The following SGCZ variants were observed in gnomAD, a reference collection of about 807,000 sequenced individuals.
SGCZ encodes zeta-sarcoglycan.
In SGCZ, 40 loss-of-function variants were observed where a neutral mutation model predicts 41.3. That is an observed-to-expected ratio of 0.97 (90% CI 0.75 to 1.26). The LOEUF is 1.26. Ranked by LOEUF, SGCZ falls within the 50% of genes most tolerant of loss-of-function variation. SGCZ has a pLI of 0.00. For missense variants in SGCZ, 552 were observed against 369.8 expected (o/e 1.49, Z -4.04); for synonymous variants, 206 against 137.5 (o/e 1.50, Z -3.49).
At chr8:14,123,199 T>G (rs886536588) in intron 5 of SGCZ, among the ~76,000 whole-genome samples, 1 of 152,102 alleles carries the variant, frequency 6.6e-6, no homozygotes, top group African/African-American at 2.4e-5. Flanking sequence ...AATAAAGGGG[T>G]GATGAGTAAA....
At chr8:14,226,025 T>C (rs2054418) in intron 4 of SGCZ, among the ~76,000 whole-genome samples, 1 of 151,762 alleles carries the variant, frequency 6.6e-6, no homozygotes, top group African/African-American at 2.4e-5. Flanking sequence ...AGGACGATGG[T>C]ATAAGTGATA....
intron 1 of SGCZ, among the ~76,000 whole-genome samples, chr8:14,941,192 T>G (rs1276343501): frequency 6.6e-6 from 1 of 152,098 alleles, no homozygotes; most frequent in East Asian, 1.9e-4. Flanking sequence ...AATTTTCCAA[T>G]ATAACTTTCT....
chr8:14,320,409 GC>G (rs1289602175), intron 3 of SGCZ, among the ~76,000 whole-genome samples: 1 of 151,312 alleles, frequency 6.6e-6, no homozygotes, highest in Non-Finnish European at 1.5e-5. Context: ...TGCTCGCCTG[GC>G]CCCATGGCTT....
chr8:14,955,436 A>C (rs991848372), intron 1 of SGCZ, among the ~76,000 whole-genome samples: 1 of 152,152 alleles, frequency 6.6e-6, no homozygotes, highest in African/African-American at 2.4e-5. Flanking sequence ...GCCTATTTTC[A>C]CATGTGAAGT....
chr8:15,219,846 A>G (rs1219921610), intron 1 of SGCZ, among the ~76,000 whole-genome samples: 8 of 152,214 alleles, frequency 5.3e-5, no homozygotes, highest in Admixed American at 5.2e-4. Flanking sequence ...AATTAGTTCA[A>G]CAAATATTCC....
At chr8:14,116,115 G>C (rs1037149715) in intron 5 of SGCZ, among the ~76,000 whole-genome samples, 2 of 152,050 alleles carry the variant, frequency 1.3e-5, no homozygotes, top group Non-Finnish European at 2.9e-5. Context: ...GTCTAAAACA[G>C]ATGGTACATA....
At chr8:14,335,981 C>T (rs1039632266) in intron 2 of SGCZ, among the ~76,000 whole-genome samples, 2 of 151,964 alleles carry the variant, frequency 1.3e-5, no homozygotes, top group East Asian at 3.9e-4. Flanking sequence ...AAACTCATGT[C>T]ATAGGGGTTT....
At chr8:15,032,247 G>A (rs1280400148) in intron 1 of SGCZ, among the ~76,000 whole-genome samples, 1 of 151,986 alleles carries the variant, frequency 6.6e-6, no homozygotes, top group East Asian at 1.9e-4. Flanking sequence ...AAAAGCTAAG[G>A]AAACCAAGTG....
At chr8:14,191,213 C>T (rs1453525342) in intron 4 of SGCZ, among the ~76,000 whole-genome samples, 2 of 152,084 alleles carry the variant, frequency 1.3e-5, no homozygotes, top group Admixed American at 1.3e-4. Flanking sequence ...TGCTATTGAG[C>T]TGTGTTATAT....
chr8:15,109,896 T>G (rs1232564075), intron 1 of SGCZ, among the ~76,000 whole-genome samples: 1 of 152,200 alleles, frequency 6.6e-6, no homozygotes, highest in African/African-American at 2.4e-5. Context: ...ATGGGCAATT[T>G]TCTTTTATAA....
At chr8:14,740,556 T>G (rs1198142160) in intron 1 of SGCZ, among the ~76,000 whole-genome samples, 3 of 152,022 alleles carry the variant, frequency 2.0e-5, no homozygotes, top group Non-Finnish European at 4.4e-5. Context: ...TGTCCCATTG[T>G]TTTTAAATCT....
At chr8:15,006,963 A>C (rs1035599204) in intron 1 of SGCZ, among the ~76,000 whole-genome samples, 5 of 152,254 alleles carry the variant, frequency 3.3e-5, no homozygotes, top group Non-Finnish European at 7.3e-5. Context: ...TTGAAGAAAG[A>C]AATTATTATT....
At chr8:15,163,117 G>A (rs1477369949) in intron 1 of SGCZ, among the ~76,000 whole-genome samples, 1 of 152,180 alleles carries the variant, frequency 6.6e-6, no homozygotes, top group Admixed American at 6.5e-5. Context: ...GTGTTTGCAT[G>A]GGATTCTGTA....
At chr8:14,999,201 A>G (rs1410816757) in intron 1 of SGCZ, among the ~76,000 whole-genome samples, 2 of 152,198 alleles carry the variant, frequency 1.3e-5, no homozygotes, top group Admixed American at 6.5e-5. Flanking sequence ...TATCTAATAC[A>G]TGGGGTTTCT....
intron 2 of SGCZ, among the ~76,000 whole-genome samples, chr8:14,439,365 A>G (rs1026972561): frequency 1.7e-4 from 26 of 150,200 alleles, no homozygotes; most frequent in Non-Finnish European, 3.6e-4. Context: ...TCTATCAAAC[A>G]TTAAAACAAT....
intron 1 of SGCZ, among the ~76,000 whole-genome samples, chr8:14,634,144 T>A (rs551613412): frequency 4.5e-4 from 69 of 151,958 alleles, no homozygotes; most frequent in South Asian, 1.9e-3. Flanking sequence ...CAGAAAAAAA[T>A]TTTTTAAAGC....
At chr8:14,448,150 C>G (rs1249094212) in intron 2 of SGCZ, among the ~76,000 whole-genome samples, 1 of 152,118 alleles carries the variant, frequency 6.6e-6, no homozygotes, top group Non-Finnish European at 1.5e-5. Flanking sequence ...AAGATATCCA[C>G]AAGAAAGCAC....
intron 1 of SGCZ, among the ~76,000 whole-genome samples, chr8:14,867,646 C>G (rs768115113): frequency 6.6e-6 from 1 of 151,942 alleles, no homozygotes; most frequent in Non-Finnish European, 1.5e-5. Context: ...GAGCCATTAT[C>G]CTTAGCAAAC....
Position 14,448,073 on chromosome 8 carries a change from A to G in SGCZ, c.234+106659T>C, listed in dbSNP as rs1315534977. Among the ~76,000 whole-genome samples the G allele has an allele frequency of 3.9e-5, 6 of 152,190 alleles. No homozygotes were observed. In the East Asian group the frequency reaches 1.2e-3, roughly 29 times the overall value. ...ACAAAAATGTGTATTCTAAATGAAA[A>G]TTGGAATTTTCATCGAAATAGTAGC... On this transcript the variant is annotated intron_variant, in intron 2 of 7. Transcript: ENST00000382080.
Sources: allele counts gnomAD v4.1 joint callset (sites outside exome capture counted in the v4.1 genomes callset), GRCh38; gene constraint gnomAD v4.1.1; transcripts MANE v1.5; gene names NCBI Gene and HGNC (gene_info 2026-07-23, HGNC 2026-07-21).